WHRN: variants seen among roughly 807,000 people sequenced by gnomAD.
The protein encoded by WHRN is CASK-interacting protein CIP98.
Under a neutral mutation model 68.3 loss-of-function variants are expected in WHRN, and 41 were observed. That is an observed-to-expected ratio of 0.60 (90% CI 0.47 to 0.78). The LOEUF (loss-of-function observed/expected upper bound fraction) is 0.78, where lower values mean the gene tolerates loss of function less well. WHRN is among the 30% of genes least tolerant of loss of function. The pLI, the probability that WHRN is intolerant of heterozygous loss-of-function variation, is 0.00. For missense variants in WHRN, 1,243 were observed against 1,244.7 expected (o/e 1.00, Z 0.02); for synonymous variants, 560 against 561.3 (o/e 1.00, Z 0.03).
chr9:114,438,871 A>G (rs904710521), intron 3 of WHRN, among the ~76,000 whole-genome samples: 1 of 152,210 alleles, frequency 6.6e-6, no homozygotes, highest in African/African-American at 2.4e-5. Flanking sequence ...AAAATAACCT[A>G]AATGTCCATA....
chr9:114,470,977 A>G (rs1420960974), intron 2 of WHRN, among the ~76,000 whole-genome samples: 2 of 151,532 alleles, frequency 1.3e-5, no homozygotes, highest in African/African-American at 2.4e-5. Context: ...ATGAAAACAA[A>G]CCTCCCCACC....
rs767294488 is a variant in WHRN at position 114,408,015 on chromosome 9, T to A, written c.1630A>T (p.Thr544Ser). 6.3e-7 allele frequency: 1 copy of A among 1,599,004 alleles called. No homozygotes were observed. The highest frequency in any genetic ancestry group is 2.3e-5 in the East Asian group (1 of 44,324). The change falls in exon 8 of 12, where the codon ACT (threonine) becomes TCT (serine). Residue 544 changes from threonine (T) to serine (S), a missense_variant. Physicochemically the swap from Thr to Ser is moderately conservative, Grantham distance 58. Coordinates refer to ENST00000362057, the MANE Select transcript of WHRN (RefSeq NM_015404.4). ...TCGCCAGTTTCCTCCAGGTCCAGAG[T>A]GTTCTAGAAATGGACGAGAAAGCAA... The part of the protein sequence containing the change: ...TSTTVSSARN[T>S]LDLEETGEAV...
chr9:114,411,074 G>A (rs1835401928), intron 7 of WHRN, among the ~76,000 whole-genome samples: 1 of 152,240 alleles, frequency 6.6e-6, no homozygotes, highest in Non-Finnish European at 1.5e-5. Context: ...CAATGTACGA[G>A]GAAGGTGACT....
intron 3 of WHRN, among the ~76,000 whole-genome samples, chr9:114,450,833 CCG>C: frequency 1.3e-5 from 2 of 148,448 alleles, no homozygotes; most frequent in African/African-American, 5.2e-5. Flanking sequence ...GTTTCCCCCC[CCG>C]CAAAAAAATA....
chr9:114,486,905 T>TAG (rs1554739530), intron 1 of WHRN, among the ~76,000 whole-genome samples: 2 of 99,542 alleles, frequency 2.0e-5, no homozygotes, highest in African/African-American at 1.2e-4. Context: ...TGTGTGTGTG[T>TAG]AGAGTGTGTG....
intron 1 of WHRN, among the ~76,000 whole-genome samples, chr9:114,483,288 C>T (rs1008006140): frequency 6.6e-6 from 1 of 152,146 alleles, no homozygotes; most frequent in Admixed American, 6.5e-5. Context: ...CATCAGAATC[C>T]TGCAGGAACA....
At chr9:114,479,180 C>T (rs1000789964) in intron 1 of WHRN, among the ~76,000 whole-genome samples, 1 of 152,168 alleles carries the variant, frequency 6.6e-6, no homozygotes, top group Admixed American at 6.5e-5. Flanking sequence ...ATGGTTTATG[C>T]TCAGCCTGCT....
chr9:114,443,370 A>G (rs1838546432), intron 3 of WHRN, among the ~76,000 whole-genome samples: 1 of 152,210 alleles, frequency 6.6e-6, no homozygotes, highest in South Asian at 2.1e-4. Context: ...CTTTCTGGAG[A>G]GTCCGGGGGA....
intron 1 of WHRN, among the ~76,000 whole-genome samples, chr9:114,495,358 G>A (rs919577757): frequency 6.6e-5 from 10 of 152,158 alleles, no homozygotes; most frequent in African/African-American, 1.9e-4. Context: ...GCTACAGTTC[G>A]GCAGTGCTGG....
chr9:114,419,560 C>T (rs532973898), intron 7 of WHRN, among the ~76,000 whole-genome samples: 6 of 152,210 alleles, frequency 3.9e-5, no homozygotes, highest in Non-Finnish European at 7.3e-5. Flanking sequence ...GCAAGAGGAG[C>T]CGTGGCCTGA....
chr9:114,435,501 A>G (rs1837776017), intron 3 of WHRN, among the ~76,000 whole-genome samples: 1 of 152,244 alleles, frequency 6.6e-6, no homozygotes, highest in Non-Finnish European at 1.5e-5. Context: ...ACAAAGAGGT[A>G]AAAACACAAA....
intron 9 of WHRN, among the ~76,000 whole-genome samples, chr9:114,405,713 G>A (rs764761123): frequency 7.9e-5 from 12 of 152,248 alleles, no homozygotes; most frequent in Non-Finnish European, 1.8e-4. Flanking sequence ...GGCGCTCAGG[G>A]AATGTCCTAC....
At position 114,505,401 on chromosome 9, in the gene WHRN, AGCCTCCGC is replaced by A. The variant is rs150944893; in HGVS notation, c.-608_-601del. ...AGCCCCGGGATGCAGCCGCCCGGGG[AGCCTCCGC>A]GCCTCTGCGCCGCCCGGCCGCAAGC... On this transcript the variant is annotated 5_prime_UTR_variant, in exon 1 of 12. Coordinates refer to ENST00000362057, the MANE Select transcript of WHRN (RefSeq NM_015404.4). 0.35 allele frequency: 52,636 copies of A among 151,624 alleles called. 9,489 individuals are homozygous for A. The highest frequency in any genetic ancestry group is 0.39 in the Non-Finnish European group (26,245 of 67,760). The allele number at this position is 151,624 out of a possible 1,614,324, so 9.4% of individuals were successfully genotyped here. A position where few individuals can be genotyped will look rare whatever the true frequency, so the allele number is the denominator to read the frequency against.
intron 3 of WHRN, among the ~76,000 whole-genome samples, chr9:114,455,841 C>A (rs1381931749): frequency 6.6e-6 from 1 of 151,806 alleles, no homozygotes; most frequent in Non-Finnish European, 1.5e-5. Flanking sequence ...TATTGTAAAT[C>A]AAAAATGCAT....
chr9:114,424,640 G>A lies in WHRN; in HGVS notation c.1204-94C>T. The stretch of plus-strand genomic sequence containing the variant: ...CCCTCTGCCCTTCCATCCTGTCTAA[G>A]TGTGGTGTTTCATCTGTTATTCTCC... On this transcript the variant is annotated intron_variant, in intron 5 of 11. Coordinates refer to ENST00000362057, the MANE Select transcript of WHRN (RefSeq NM_015404.4). 4.4e-6 allele frequency: 6 copies of A among 1,366,318 alleles called. No individual in the cohort carries two copies. In the South Asian group the frequency reaches 7.4e-5, roughly 17 times the overall value. 84.6% of individuals were successfully genotyped at this position (1,366,318 alleles called of 1,614,324 possible). A position where few individuals can be genotyped will look rare whatever the true frequency, so the allele number is the denominator to read the frequency against.
chr9:114,479,480 T>C (rs1174249453), intron 1 of WHRN, among the ~76,000 whole-genome samples: 1 of 152,202 alleles, frequency 6.6e-6, no homozygotes, highest in African/African-American at 2.4e-5. Context: ...GGTACAACCA[T>C]ATGCTGAATC....
At chr9:114,448,413 T>C (rs919135108) in intron 3 of WHRN, among the ~76,000 whole-genome samples, 1 of 152,110 alleles carries the variant, frequency 6.6e-6, no homozygotes, top group African/African-American at 2.4e-5. Context: ...ACTGAATACA[T>C]TTCTGTTGTT....
chr9:114,472,473 T>C (rs193288723), intron 2 of WHRN, among the ~76,000 whole-genome samples: 12 of 152,314 alleles, frequency 7.9e-5, no homozygotes, highest in Non-Finnish European at 1.5e-4. Context: ...ATCCTTTCTT[T>C]TGTCACCTTC....
At chr9:114,455,523 C>A (rs1839706590) in intron 3 of WHRN, among the ~76,000 whole-genome samples, 1 of 151,730 alleles carries the variant, frequency 6.6e-6, no homozygotes, top group African/African-American at 2.4e-5. Context: ...CCAGCCTGGG[C>A]AACATGACAA....
Sources: gnomAD v4.1 joint callset for allele counts (sites outside exome capture counted in the v4.1 genomes callset) on GRCh38, gnomAD v4.1.1 for gene constraint, MANE v1.5 for transcripts, NCBI Gene and HGNC (gene_info 2026-07-23, HGNC 2026-07-21) for gene names.